The following RNF180 variants were observed in gnomAD, a reference collection of about 807,000 sequenced individuals.
RNF180 encodes the protein ring finger protein 180.
A neutral mutation model predicts 59.2 loss-of-function variants in RNF180; 38 were observed. The observed-to-expected ratio is 0.64, with a 90% CI of 0.50 to 0.84. The LOEUF is 0.84. Ranked by LOEUF, RNF180 falls within the 40% of genes least tolerant of loss-of-function variation. The pLI is 0.00. For missense variants in RNF180, 705 were observed against 700.9 expected, an observed-to-expected ratio of 1.01 and a Z score of -0.07; for synonymous variants, 262 against 240.3, an observed-to-expected ratio of 1.09 and a Z score of -0.84.
chr5:64,358,486 A>G lies in RNF180; in HGVS notation c.1580-11129A>G, dbSNP rs1387822603. 2.6e-5 allele frequency among the ~76,000 whole-genome samples: 4 copies of G among 151,814 alleles called. No homozygotes were observed. The South Asian group carries it at 8.3e-4, about 31-fold the overall frequency. On this transcript the variant is annotated intron_variant, in intron 7 of 7. Coordinates refer to ENST00000389100, the MANE Select transcript of RNF180 (RefSeq NM_001113561.2). ...TGGATGTAATGGATAATCTTTTATA[A>G]AAGTTATTAGAAATGGCTCAAGAAG... is the stretch of plus-strand genomic sequence containing the variant.
At chr5:64,166,806 CTG>C (rs1233116697) in intron 1 of RNF180, among the ~76,000 whole-genome samples, 1 of 152,176 alleles carries the variant, frequency 6.6e-6, no homozygotes, top group African/African-American at 2.4e-5. Flanking sequence ...CTTGTGGAAT[CTG>C]TGATTAGAAC....
intron 5 of RNF180, among the ~76,000 whole-genome samples, chr5:64,245,515 CAAA>C (rs1554035632): frequency 6.6e-6 from 1 of 152,094 alleles, no homozygotes; most frequent in Non-Finnish European, 1.5e-5. Context: ...TCAAAAAAGA[CAAA>C]GAAGGGCATT....
chr5:64,171,522 A>G (rs1749934596), intron 1 of RNF180, among the ~76,000 whole-genome samples: 1 of 152,172 alleles, frequency 6.6e-6, no homozygotes, highest in Non-Finnish European at 1.5e-5. Flanking sequence ...TACATGTTCA[A>G]ATGGGCCTAA....
At chr5:64,184,902 C>T (rs932667411) in intron 1 of RNF180, among the ~76,000 whole-genome samples, 1 of 152,166 alleles carries the variant, frequency 6.6e-6, no homozygotes, top group Non-Finnish European at 1.5e-5. Flanking sequence ...TGTCCATGCT[C>T]ACAACCTTGT....
At chr5:64,260,202 T>C (rs1431872393) in intron 5 of RNF180, among the ~76,000 whole-genome samples, 1 of 150,714 alleles carries the variant, frequency 6.6e-6, no homozygotes, top group African/African-American at 2.5e-5. Flanking sequence ...TCTTGTGAAC[T>C]GTTTTCCCCC....
intron 5 of RNF180, among the ~76,000 whole-genome samples, chr5:64,262,867 TG>T (rs1172037412): frequency 6.6e-6 from 1 of 152,286 alleles, no homozygotes; most frequent in Middle Eastern, 3.4e-3. Context: ...GGAATATTTG[TG>T]GTATACTGAC....
At chr5:64,316,283 G>T (rs1744039663) in intron 5 of RNF180, among the ~76,000 whole-genome samples, 1 of 152,014 alleles carries the variant, frequency 6.6e-6, no homozygotes. Context: ...AGGAGTCTGT[G>T]AATCACACTT....
chr5:64,344,559 A>G (rs1745482308), intron 7 of RNF180, among the ~76,000 whole-genome samples: 1 of 152,104 alleles, frequency 6.6e-6, no homozygotes, highest in South Asian at 2.1e-4. Flanking sequence ...GGTGTACAGG[A>G]TCCTTCACCT....
intron 7 of RNF180, among the ~76,000 whole-genome samples, chr5:64,363,939 A>G (rs769483281): frequency 5.3e-5 from 8 of 151,774 alleles, no homozygotes; most frequent in Non-Finnish European, 8.8e-5. Flanking sequence ...TTGAGTTTCT[A>G]TCTTGAGAAT....
Position 64,239,806 on chromosome 5 carries a change from C to T in RNF180, c.1227+22410C>T, listed in dbSNP as rs184383609. Among the ~76,000 whole-genome samples, 166 of 152,228 alleles carry T rather than the reference C, an allele frequency of 1.1e-3. 1 individual carries two copies. Among genetic ancestry groups the T allele is most frequent in the African/African-American group, 3.8e-3 (157 of 41,560 alleles). On this transcript the variant is annotated intron_variant, in intron 5 of 7. Coordinates refer to ENST00000389100, the MANE Select transcript of RNF180 (RefSeq NM_001113561.2). ...TCTGAAAATGGTTACTTTGCAAATTCATTGTTTCAGGGGAACAGATCTGTA... is the reference window on the plus strand; with the variant it reads ...TCTGAAAATGGTTACTTTGCAAATTTATTGTTTCAGGGGAACAGATCTGTA...
In RNF180 at chr5:64,213,812, T is replaced by C. The variant is rs1752450843; in HGVS notation, c.486T>C (p.Asn162=). 2 of 1,613,962 alleles carry C rather than the reference T, an allele frequency of 1.2e-6. No homozygotes were observed. The highest frequency in any genetic ancestry group is 1.7e-5 in the Admixed American group (1 of 59,970). Residue 162 remains asparagine, a synonymous_variant, in exon 4 of 8, where the codon AAT becomes AAC. Coordinates refer to ENST00000389100, the MANE Select transcript of RNF180 (RefSeq NM_001113561.2). ...CAGGTGGTGGCTCTGAAAACAGAAATCACAGGCTTTTAAACATGGCCCGAA... is the reference window on the plus strand; with the variant it reads ...CAGGTGGTGGCTCTGAAAACAGAAACCACAGGCTTTTAAACATGGCCCGAA... The part of the protein sequence containing the change: ...LLTGGGSENR[N]HRLLNMARNN...
rs1006523208 is a variant in RNF180, at chr5:64,359,597, C to A, written c.1580-10018C>A. Among the ~76,000 whole-genome samples, 15 of 151,990 alleles carry A rather than the reference C, an allele frequency of 9.9e-5. 1 individual carries two copies. The highest frequency in any genetic ancestry group is 3.6e-4 in the African/African-American group (15 of 41,512). On this transcript the variant is annotated intron_variant, in intron 7 of 7. Transcript: ENST00000389100. The stretch of plus-strand genomic sequence containing the variant: ...CCATTCTGTAGGTTGCCTGTTCACT[C>A]TGATGGTAGTTTCTTTTGCTGTGCA...
chr5:64,217,226 A>G, intron 4 of RNF180, 135 bp from the exon 5 acceptor site: 15 of 1,062,494 alleles, frequency 1.4e-5, no homozygotes, highest in East Asian at 3.1e-5. Context: ...ATTCCATTGT[A>G]TGAATGATCC....
intron 5 of RNF180, among the ~76,000 whole-genome samples, chr5:64,254,100 G>T (rs1743772730): frequency 6.6e-6 from 1 of 152,026 alleles, no homozygotes; most frequent in African/African-American, 2.4e-5. Flanking sequence ...CTGATAAACA[G>T]AAATTATTTA....
At chr5:64,330,159 C>A (rs1744836324) in intron 6 of RNF180, 122 bp from the exon 7 acceptor site, 2 of 695,786 alleles carry the variant, frequency 2.9e-6, no homozygotes, top group African/African-American at 1.9e-5. Context: ...TTTGTCTTCA[C>A]TGACTTAAAG....
At chr5:64,252,464 G>A (rs1157455529) in intron 5 of RNF180, among the ~76,000 whole-genome samples, 2 of 152,118 alleles carry the variant, frequency 1.3e-5, no homozygotes, top group Non-Finnish European at 2.9e-5. Context: ...TAACTGTGAG[G>A]TAATACATAT....
intron 7 of RNF180, among the ~76,000 whole-genome samples, chr5:64,333,982 T>G (rs1385328610): frequency 6.6e-6 from 1 of 151,866 alleles, no homozygotes; most frequent in Non-Finnish European, 1.5e-5. Context: ...TAACCAAGAG[T>G]CTAAAACCAG....
chr5:64,198,747 C>A (rs1300962611), intron 1 of RNF180, among the ~76,000 whole-genome samples: 1 of 151,748 alleles, frequency 6.6e-6, no homozygotes, highest in Non-Finnish European at 1.5e-5. Flanking sequence ...AAGAAGAATA[C>A]TAAAGAAGTT....
intron 5 of RNF180, among the ~76,000 whole-genome samples, chr5:64,227,898 T>C (rs1580059450): frequency 6.6e-6 from 1 of 152,348 alleles, no homozygotes; most frequent in African/African-American, 2.4e-5. Context: ...TTTTTCTCTC[T>C]CATTGCTCCA....
Sources: allele counts gnomAD v4.1 joint callset (sites outside exome capture counted in the v4.1 genomes callset), GRCh38; gene constraint gnomAD v4.1.1; transcripts MANE v1.5; gene names NCBI Gene and HGNC (gene_info 2026-07-23, HGNC 2026-07-21).